The following PCDHGA6 variants were observed in gnomAD, a reference collection of about 807,000 sequenced individuals.
PCDHGA6 encodes the protein protocadherin gamma subfamily A, 6.
PCDHGA6 carries 41 observed loss-of-function variants against 60.6 expected under a neutral mutation model. That is an observed-to-expected ratio of 0.68 (90% CI 0.53 to 0.88). PCDHGA6 has a LOEUF of 0.88. Ranked by LOEUF, PCDHGA6 falls within the 40% of genes least tolerant of loss-of-function variation. PCDHGA6 has a pLI of 0.00. For synonymous variants in PCDHGA6, 594 were observed against 524.4 expected (o/e 1.13, Z -1.81); for missense variants, 1,312 against 1,203.0 (o/e 1.09, Z -1.34).
rs926814527 is a variant in PCDHGA6 at position 141,388,113 on chromosome 5, G to A, written c.2424+11606G>A. 7 of 1,412,244 alleles carry A rather than the reference G, an allele frequency of 5.0e-6. No individual in the cohort carries two copies. Among genetic ancestry groups the A allele is most frequent in the African/African-American group, 4.3e-5 (3 of 69,434 alleles). 87.5% of individuals were successfully genotyped at this position (1,412,244 alleles called of 1,614,324 possible). On this transcript the variant is annotated intron_variant, in intron 1 of 3. Transcript: ENST00000517434. ...CAGTTCGGAGAAGCCTTACTTCACCGTGAGCGCAGAGAGCGGGGAGTTGCT... is the reference window on the plus strand; with the variant it reads ...CAGTTCGGAGAAGCCTTACTTCACCATGAGCGCAGAGAGCGGGGAGTTGCT...
At chr5:141,419,302 C>T in intron 1 of PCDHGA6, 1 of 1,614,024 alleles carries the variant, frequency 6.2e-7, no homozygotes, top group East Asian at 2.2e-5. Context: ...ACCCAGACTT[C>T]GGGCTCAACG....
At chr5:141,422,690 T>G (rs1384522137) in intron 1 of PCDHGA6, 1 of 1,603,908 alleles carries the variant, frequency 6.2e-7, no homozygotes, top group Admixed American at 1.7e-5. Context: ...AATGCCCTGG[T>G]CACTTACTCT....
intron 1 of PCDHGA6, chr5:141,394,070 T>C: frequency 6.2e-7 from 1 of 1,613,848 alleles, no homozygotes; most frequent in Non-Finnish European, 8.5e-7. Context: ...CTATCTACAA[T>C]ATCACAGTGA....
At chr5:141,403,645 A>G (rs2154534430) in intron 1 of PCDHGA6, 1 of 1,613,922 alleles carries the variant, frequency 6.2e-7, no homozygotes, top group South Asian at 1.1e-5. Flanking sequence ...TCCATGTGAC[A>G]GTGTTGGATA....
intron 1 of PCDHGA6, among the ~76,000 whole-genome samples, chr5:141,484,796 C>A (rs987893041): frequency 1.3e-5 from 2 of 151,304 alleles, no homozygotes; most frequent in African/African-American, 4.9e-5. Flanking sequence ...GATAACAACC[C>A]GTGGAAAAAC....
intron 1 of PCDHGA6, chr5:141,410,296 A>G (rs1424650333): frequency 6.2e-7 from 1 of 1,613,774 alleles, no homozygotes; most frequent in Admixed American, 1.7e-5. Flanking sequence ...CCTTGGCCTT[A>G]ATCTCAGTGC....
At position 141,498,920 on chromosome 5, in the gene PCDHGA6, G is replaced by A. The variant is rs930391165; in HGVS notation, c.2483+4055G>A. On this transcript the variant is annotated intron_variant, in intron 2 of 3. Transcript: ENST00000517434. ...TGCACTCCAGTCTGGGTGACAGAGC[G>A]AGACTCCATCAGGAAAGAAAGAAAG... 3.3e-4 allele frequency among the ~76,000 whole-genome samples: 47 copies of A among 142,950 alleles called. 1 individual carries two copies. Among genetic ancestry groups the A allele is most frequent in the African/African-American group, 8.9e-4 (35 of 39,160 alleles). The allele number at this position is 142,950 out of a possible 152,430, so 93.8% of individuals were successfully genotyped here. A position where few individuals can be genotyped will look rare whatever the true frequency, so the allele number is the denominator to read the frequency against.
At position 141,432,412 on chromosome 5, in the gene PCDHGA6, C is replaced by G. The variant is rs773688197; in HGVS notation, c.2424+55905C>G. 1.9e-6 allele frequency: 3 copies of G among 1,614,246 alleles called. No individual in the cohort carries two copies. The highest frequency in any genetic ancestry group is 2.2e-5 in the East Asian group (1 of 44,882). ...GCAGCAACGTGTCGTTGAGCCTGTT[C>G]GTGCTGGACCAGAACGACAATGCGC... On this transcript the variant is annotated intron_variant, in intron 1 of 3. Transcript: ENST00000517434. This position sits in a 1 kb window ranked among gnomAD's most constrained non-coding sequence, Gnocchi z 6.0.
rs1430647254 is a variant in PCDHGA6 at position 141,477,750 on chromosome 5, C to T, written c.2425-17057C>T. On this transcript the variant is annotated intron_variant, in intron 1 of 3. Coordinates refer to ENST00000517434, the MANE Select transcript of PCDHGA6 (RefSeq NM_018919.3). This position sits in a 1 kb window ranked among gnomAD's most constrained non-coding sequence, Gnocchi z 4.9. ...GCTCATATCAGCGATGGGGGCACCC[C>T]GGTCCTAGCCACCAACATCAGCGTG... 8 of 1,613,772 alleles carry T rather than the reference C, an allele frequency of 5.0e-6. No individual in the cohort carries two copies. Among genetic ancestry groups the T allele is most frequent in the East Asian group, 2.2e-5 (1 of 44,890 alleles).
At chr5:141,421,363 G>T (rs749916401) in intron 1 of PCDHGA6, 2 of 1,613,898 alleles carry the variant, frequency 1.2e-6, no homozygotes, top group South Asian at 2.2e-5. Flanking sequence ...GGGCTCCTTC[G>T]TGGGCAATAT....
At position 141,375,487 on chromosome 5, in the gene PCDHGA6, T is replaced by G; in HGVS notation, c.1404T>G (p.Gly468=). 6.2e-7 allele frequency: 1 copy of G among 1,613,830 alleles called. No individual in the cohort carries two copies. Among genetic ancestry groups the G allele is most frequent in the Non-Finnish European group, 8.5e-7 (1 of 1,179,964 alleles). ...ATGTCCTTGAAAACAACCCCAGGGG[T>G]GCCTCCATCTTCTCTGTGAATGCAC... ...SVYVLENNPR[G]ASIFSVNALD... The change falls in exon 1 of 4, where the codon GGT becomes GGG. Residue 468 remains glycine, a synonymous_variant. Transcript: ENST00000517434.
intron 1 of PCDHGA6, among the ~76,000 whole-genome samples, chr5:141,460,951 G>GTATATA (rs200454978): frequency 7.2e-6 from 1 of 139,722 alleles, no homozygotes; most frequent in African/African-American, 2.8e-5. Flanking sequence ...TATGTATTAT[G>GTATATA]TATATATATA....
At chr5:141,504,352 G>A (rs2099837588) in intron 2 of PCDHGA6, among the ~76,000 whole-genome samples, 3 of 152,016 alleles carry the variant, frequency 2.0e-5, no homozygotes, top group Admixed American at 1.3e-4. Flanking sequence ...TTTGTGCTAG[G>A]TGCTTCAGTA....
intron 1 of PCDHGA6, among the ~76,000 whole-genome samples, chr5:141,435,308 A>G (rs2097757210): frequency 6.6e-6 from 1 of 152,186 alleles, no homozygotes; most frequent in African/African-American, 2.4e-5. Flanking sequence ...GTTTTAAATC[A>G]TTCATGAACT....
intron 1 of PCDHGA6, among the ~76,000 whole-genome samples, chr5:141,469,304 C>T (rs890230691): frequency 2.0e-5 from 3 of 151,892 alleles, no homozygotes; most frequent in East Asian, 1.9e-4. Flanking sequence ...AGACTGGGCA[C>T]GATGGCTCAC....
At chr5:141,422,690 T>C (rs1384522137) in intron 1 of PCDHGA6, 1 of 1,603,790 alleles carries the variant, frequency 6.2e-7, no homozygotes, top group African/African-American at 1.3e-5. Flanking sequence ...AATGCCCTGG[T>C]CACTTACTCT....
At chr5:141,418,455 C>G (rs1287627325) in intron 1 of PCDHGA6, 3 of 1,613,990 alleles carry the variant, frequency 1.9e-6, no homozygotes, top group Non-Finnish European at 2.5e-6. Flanking sequence ...TTGCAGAAGA[C>G]TCTGGACCGA....
At chr5:141,392,160 T>C (rs1426961496) in intron 1 of PCDHGA6, 1 of 152,220 alleles carries the variant, frequency 6.6e-6, no homozygotes, top group Non-Finnish European at 1.5e-5. Context: ...TAAAACAATT[T>C]CTGAGTCAGT....
At chr5:141,428,987 T>G (rs1185184865) in intron 1 of PCDHGA6, 2 of 152,288 alleles carry the variant, frequency 1.3e-5, no homozygotes, top group Non-Finnish European at 2.9e-5. Context: ...CCCGGGTAGC[T>G]GGGACTACAG....
Sources: gnomAD v4.1 joint callset for allele counts (sites outside exome capture counted in the v4.1 genomes callset) on GRCh38, gnomAD v4.1.1 for gene constraint, Gnocchi (gnomAD v3.1) non-coding constraint, MANE v1.5 for transcripts, NCBI Gene and HGNC (gene_info 2026-07-23, HGNC 2026-07-21) for gene names.